Variants in ARMC2 observed in about 807,000 individuals in gnomAD.
ARMC2 encodes armadillo repeat containing 2.
In ARMC2, 67 loss-of-function variants were observed where a neutral mutation model predicts 90.3. That is an observed-to-expected ratio of 0.74 (90% CI 0.61 to 0.91). The LOEUF is 0.91. Among genes scored for constraint, ARMC2 ranks in the 40% least tolerant of loss-of-function variants. The pLI is 0.00. For missense variants in ARMC2, 920 were observed against 1,030.9 expected, an observed-to-expected ratio of 0.89 and a Z score of 1.47; for synonymous variants, 393 against 393.0, an observed-to-expected ratio of 1.00 and a Z score of 0.00.
At chr6:108,961,796 G>C in intron 14 of ARMC2, 102 bp downstream of exon 14, 6 of 1,331,882 alleles carry the variant, frequency 4.5e-6, no homozygotes, top group Non-Finnish European at 6.1e-6. Flanking sequence ...CTGCCTTCTG[G>C]TACAGAAATG....
chr6:109,009,749 G>T, the ARMC2 span, among the ~76,000 whole-genome samples: 4 of 152,200 alleles, frequency 2.6e-5, no homozygotes, highest in African/African-American at 9.6e-5. Flanking sequence ...GGTTCCCCAC[G>T]AACAGCTAAT....
chr6:108,976,909 C>T (rs775732954), downstream of ARMC2, among the ~76,000 whole-genome samples: 10 of 152,134 alleles, frequency 6.6e-5, no homozygotes, highest in Admixed American at 1.3e-4. Flanking sequence ...TGGGCTGAGA[C>T]GATGTGGTTT....
the ARMC2 span, chr6:108,990,832 A>G: frequency 6.2e-7 from 1 of 1,613,218 alleles, no homozygotes. Flanking sequence ...TCCCAGCAAT[A>G]GTCCTAAATA....
At position 108,899,704 on chromosome 6, in the gene ARMC2, T is replaced by A. The variant is rs751096778; in HGVS notation, c.759T>A (p.Ala253=). 12 of 1,613,414 alleles carry A rather than the reference T, an allele frequency of 7.4e-6. No individual in the cohort carries two copies. The highest frequency in any genetic ancestry group is 8.5e-7 in the Non-Finnish European group (1 of 1,179,676). Residue 253 remains alanine (A), a synonymous_variant, in exon 7 of 18, where the codon GCT becomes GCA. Coordinates refer to ENST00000392644, the MANE Select transcript of ARMC2 (RefSeq NM_032131.6). The part of the protein sequence containing the change: ...SRLQTKAVPK[A]DLQEEDAEIE... ...GGATTTCTTTTGCAGTCCCAAAAGC[T>A]GACCTGCAAGAAGAGGACGCAGAAA...
intron 12 of ARMC2, among the ~76,000 whole-genome samples, chr6:108,948,353 G>T (rs1776953133): frequency 6.6e-6 from 1 of 151,964 alleles, no homozygotes; most frequent in African/African-American, 2.4e-5. Context: ...CACTACCTCT[G>T]CTGACCTCCT....
In ARMC2 at chr6:108,936,964, T is replaced by A. The variant is rs951664301; in HGVS notation, c.1561T>A (p.Phe521Ile). 6.2e-7 allele frequency: 1 copy of A among 1,601,550 alleles called. No homozygotes were observed. The highest frequency in any genetic ancestry group is 8.5e-7 in the Non-Finnish European group (1 of 1,173,376). Residue 521 changes from phenylalanine (F) to isoleucine (I), a missense_variant, in exon 12 of 18, where the codon TTT (phenylalanine) becomes ATT (isoleucine). Phe to Ile is a conservative substitution (Grantham distance 21). Coordinates refer to ENST00000392644, the MANE Select transcript of ARMC2 (RefSeq NM_032131.6). ...LASYSRCYALFLNLINKYQKK... is the reference protein window; with the variant it reads ...LASYSRCYALILNLINKYQKK... ...CAGCTATTCCAGATGTTATGCCTTA[T>A]TTCTGAATCTAATTAACAAATACCA... is the stretch of plus-strand genomic sequence containing the variant.
At chr6:109,020,731 C>G in the ARMC2 span, among the ~76,000 whole-genome samples, 2 of 152,180 alleles carry the variant, frequency 1.3e-5, no homozygotes, top group Admixed American at 1.3e-4. Context: ...TTTGCTCAAA[C>G]TGACAGAGCA....
Position 108,949,210 on chromosome 6 carries a change from C to G in ARMC2, c.1597-3823C>G, listed in dbSNP as rs973589451. Among the ~76,000 whole-genome samples the G allele has an allele frequency of 2.0e-5, 3 of 152,226 alleles. No homozygotes were observed. The East Asian group carries it at 5.8e-4, about 29-fold the overall frequency. Reference sequence around the variant, plus strand: ...TTTATGGAAATGGGAGAAGAGAGCCCAATTCCAGGAACATGGTGAAGTCCA... The same window carrying G: ...TTTATGGAAATGGGAGAAGAGAGCCGAATTCCAGGAACATGGTGAAGTCCA... On this transcript the variant is annotated intron_variant, in intron 12 of 17. Transcript: ENST00000392644.
chr6:108,886,833 CATA>C (rs1770404820), intron 5 of ARMC2, among the ~76,000 whole-genome samples: 1 of 151,732 alleles, frequency 6.6e-6, no homozygotes, highest in Non-Finnish European at 1.5e-5. Context: ...GAACCTTAGT[CATA>C]ATAATTAGAA....
rs545828182 is a variant in ARMC2 at position 108,848,459 on chromosome 6, C to T, written c.-131C>T. ...GCGTCGTGGGGTTACCCCGCCCGCG[C>T]CAGCGCTGCATCCCTGGCCGCTACC... is the stretch of plus-strand genomic sequence containing the variant. On this transcript the variant is annotated 5_prime_UTR_variant, in exon 1 of 18. Transcript: ENST00000392644. The T allele has an allele frequency of 6.6e-6, 1 of 152,378 alleles. No homozygotes were observed. Among genetic ancestry groups the T allele is most frequent in the African/African-American group, 2.4e-5 (1 of 41,474 alleles). The allele number at this position is 152,378 out of a possible 1,614,324, so 9.4% of individuals were successfully genotyped here. A position where few individuals can be genotyped will look rare whatever the true frequency, so the allele number is the denominator to read the frequency against.
the ARMC2 span, chr6:108,992,994 G>C: frequency 2.8e-6 from 2 of 723,842 alleles, no homozygotes; most frequent in Non-Finnish European, 4.8e-6. Context: ...CTCTTTCTCT[G>C]ATACTGAGTG....
chr6:108,992,725 T>G, the ARMC2 span: 12 of 1,058,100 alleles, frequency 1.1e-5, no homozygotes, highest in East Asian at 2.9e-4. Flanking sequence ...GTGGCTGTTT[T>G]GTATTTTAAG....
rs577813393 is a variant in ARMC2 at position 108,869,852 on chromosome 6, G to A, written c.463+857G>A. 2.6e-5 allele frequency among the ~76,000 whole-genome samples: 4 copies of A among 152,272 alleles called. No individual in the cohort carries two copies. In the East Asian group the frequency reaches 5.8e-4, roughly 22 times the overall value. ...GGGCATACTAAGGGTTTCTCAAACTGTGGAAAAGGACCCAGAAGTGGGATG... is the reference window on the plus strand; with the variant it reads ...GGGCATACTAAGGGTTTCTCAAACTATGGAAAAGGACCCAGAAGTGGGATG... On this transcript the variant is annotated intron_variant, in intron 4 of 17. Coordinates refer to ENST00000392644, the MANE Select transcript of ARMC2 (RefSeq NM_032131.6).
At chr6:109,001,566 C>G in the ARMC2 span, 1 of 1,226,180 alleles carries the variant, frequency 8.2e-7, no homozygotes, top group Non-Finnish European at 1.2e-6. Context: ...GCGCTACACT[C>G]TAAGTATCAT....
chr6:109,027,008 A>G, the ARMC2 span, among the ~76,000 whole-genome samples: 1 of 152,038 alleles, frequency 6.6e-6, no homozygotes, highest in Non-Finnish European at 1.5e-5. Flanking sequence ...TGTCTCTACT[A>G]AAAATACTAA....
At chr6:108,937,139 G>A (rs1334211981) in intron 12 of ARMC2, 140 bp downstream of exon 12, 44 of 664,202 alleles carry the variant, frequency 6.6e-5, no homozygotes, top group Middle Eastern at 3.5e-4. Flanking sequence ...GCTGTCCTGG[G>A]AAGCAGTAAG....
chr6:108,943,407 G>A (rs967877908), intron 12 of ARMC2, among the ~76,000 whole-genome samples: 5 of 152,094 alleles, frequency 3.3e-5, no homozygotes, highest in Non-Finnish European at 5.9e-5. Flanking sequence ...TTTTTAAAAA[G>A]CATTATTATA....
intron 17 of ARMC2, among the ~76,000 whole-genome samples, chr6:108,965,723 CA>C (rs1374771789): frequency 6.6e-6 from 1 of 152,040 alleles, no homozygotes; most frequent in Non-Finnish European, 1.5e-5. Flanking sequence ...CTGCTCACTG[CA>C]GCTCTAAACT....
At chr6:108,913,023 G>C (rs753429156) in intron 10 of ARMC2, among the ~76,000 whole-genome samples, 1 of 152,136 alleles carries the variant, frequency 6.6e-6, no homozygotes, top group South Asian at 2.1e-4. Flanking sequence ...AGGCAGCCCC[G>C]AGACTGTAGG....
Sources: gnomAD v4.1 joint callset for allele counts (sites outside exome capture counted in the v4.1 genomes callset) on GRCh38, gnomAD v4.1.1 for gene constraint, MANE v1.5 for transcripts, NCBI Gene and HGNC (gene_info 2026-07-23, HGNC 2026-07-21) for gene names.